LRRC4C: variants seen among roughly 807,000 people sequenced by gnomAD.
The protein encoded by LRRC4C is leucine-rich repeat-containing protein 4C.
Under a neutral mutation model 33.6 loss-of-function variants are expected in LRRC4C, and 5 were observed. The ratio of observed to expected loss-of-function variants is 0.15; its 90% confidence interval spans 0.08 to 0.31. The LOEUF is 0.31. Ranked by LOEUF, LRRC4C falls within the 10% of genes least tolerant of loss-of-function variation. The pLI is 1.00. For missense variants in LRRC4C, 560 were observed against 796.7 expected (o/e 0.70, Z 3.58); for synonymous variants, 329 against 302.0 (o/e 1.09, Z -0.93).
chr11:40,480,160 T>C (rs777361074), intron 3 of LRRC4C, among the ~76,000 whole-genome samples: 7 of 152,074 alleles, frequency 4.6e-5, no homozygotes, highest in Non-Finnish European at 1.0e-4. Context: ...AAAGTGTTCA[T>C]GTTTGAATTG....
chr11:41,192,711 C>T (rs929524240), intron 1 of LRRC4C, among the ~76,000 whole-genome samples: 4 of 151,956 alleles, frequency 2.6e-5, no homozygotes, highest in African/African-American at 9.7e-5. Flanking sequence ...CCCGTAGAGT[C>T]AGAATCGAGA....
chr11:40,255,832 A>G (rs954219966), intron 4 of LRRC4C, among the ~76,000 whole-genome samples: 1 of 152,224 alleles, frequency 6.6e-6, no homozygotes, highest in Non-Finnish European at 1.5e-5. Flanking sequence ...TTGTTTGCCA[A>G]CTTCACTTAT....
intron 3 of LRRC4C, among the ~76,000 whole-genome samples, chr11:40,517,507 C>T (rs1955611849): frequency 6.6e-6 from 1 of 152,180 alleles, no homozygotes; most frequent in Non-Finnish European, 1.5e-5. Flanking sequence ...CCAGCCTTCT[C>T]TGTAACTGGA....
chr11:41,415,670 T>G (rs1954650710), intron 1 of LRRC4C, among the ~76,000 whole-genome samples: 1 of 152,124 alleles, frequency 6.6e-6, no homozygotes, highest in South Asian at 2.1e-4. Flanking sequence ...TAATTCATTT[T>G]AGATGTTGGA....
chr11:40,466,016 C>G (rs1952634279), intron 3 of LRRC4C, among the ~76,000 whole-genome samples: 1 of 152,006 alleles, frequency 6.6e-6, no homozygotes, highest in African/African-American at 2.4e-5. Flanking sequence ...TAGAATCAAC[C>G]TAAGTGTCCA....
intron 5 of LRRC4C, among the ~76,000 whole-genome samples, chr11:40,209,662 C>A (rs1251010420): frequency 1.3e-5 from 2 of 152,134 alleles, no homozygotes; most frequent in African/African-American, 2.4e-5. Context: ...CATGCCTCAG[C>A]CTCCCAAGTA....
intron 3 of LRRC4C, among the ~76,000 whole-genome samples, chr11:40,390,782 C>T (rs1228306902): frequency 6.6e-6 from 1 of 152,144 alleles, no homozygotes; most frequent in Non-Finnish European, 1.5e-5. Context: ...TCCTGCCTGC[C>T]AAGTGTCAGG....
In LRRC4C at chr11:40,276,506, C is replaced by A. The variant is rs76067928; in HGVS notation, c.-175-34908G>T. Among the ~76,000 whole-genome samples the A allele has an allele frequency of 7.5e-3, 1,142 of 152,188 alleles. 17 individuals carry two copies. Among genetic ancestry groups the A allele is most frequent in the African/African-American group, 0.026 (1,093 of 41,510 alleles). Reference sequence around the variant, plus strand: ...GGAGCAGGCAATAATGAAAATCATTCTCAGATGTCAAACCATGCCCTGAAT... The same window carrying A: ...GGAGCAGGCAATAATGAAAATCATTATCAGATGTCAAACCATGCCCTGAAT... On this transcript the variant is annotated intron_variant, in intron 4 of 6. Transcript: ENST00000528697.
rs118098640 is a variant in LRRC4C, at chr11:40,158,643, G to T, written c.-95-17790C>A. ...GGCAAGGATGAAGAGAGGGGCTGTT[G>T]CTCTCTGGCTCTGGATTAGAACATT... On this transcript the variant is annotated intron_variant, in intron 5 of 6. Coordinates refer to ENST00000528697, the MANE Select transcript of LRRC4C (RefSeq NM_001258419.2). Among the ~76,000 whole-genome samples the T allele has an allele frequency of 8.6e-3, 1,305 of 151,436 alleles. 38 individuals carry two copies. In the South Asian group the frequency reaches 0.1, roughly 12 times the overall value.
intron 2 of LRRC4C, among the ~76,000 whole-genome samples, chr11:40,725,044 C>T (rs779548265): frequency 6.6e-6 from 1 of 152,108 alleles, no homozygotes; most frequent in African/African-American, 2.4e-5. Flanking sequence ...GAGAAAGCTA[C>T]CCTGTCCTAA....
intron 3 of LRRC4C, among the ~76,000 whole-genome samples, chr11:40,537,800 A>T (rs987635050): frequency 6.6e-6 from 1 of 152,192 alleles, no homozygotes; most frequent in Non-Finnish European, 1.5e-5. Context: ...GAAAGCTATT[A>T]TGTAAAACCC....
chr11:40,403,647 A>AT (rs1486078945), intron 3 of LRRC4C, among the ~76,000 whole-genome samples: 2 of 151,948 alleles, frequency 1.3e-5, no homozygotes, highest in Admixed American at 1.3e-4. Flanking sequence ...TGCTACTTCA[A>AT]TTTTTTTTCT....
intron 3 of LRRC4C, among the ~76,000 whole-genome samples, chr11:40,463,387 T>C (rs1490339425): frequency 6.6e-6 from 1 of 151,436 alleles, no homozygotes; most frequent in Non-Finnish European, 1.5e-5. Flanking sequence ...TGACAGCACA[T>C]GGATCTTAGG....
At chr11:40,369,206 A>G (rs1948343204) in intron 3 of LRRC4C, among the ~76,000 whole-genome samples, 1 of 152,150 alleles carries the variant, frequency 6.6e-6, no homozygotes, top group South Asian at 2.1e-4. Context: ...TGAGAATTAT[A>G]TGAGATAGGG....
At chr11:40,198,441 T>A (rs185723078) in intron 5 of LRRC4C, among the ~76,000 whole-genome samples, 1 of 152,370 alleles carries the variant, frequency 6.6e-6, no homozygotes, top group African/African-American at 2.4e-5. Flanking sequence ...GATATCCAGA[T>A]ACCTGCTACA....
At chr11:41,373,574 A>C (rs1451873333) in intron 1 of LRRC4C, among the ~76,000 whole-genome samples, 1 of 152,174 alleles carries the variant, frequency 6.6e-6, no homozygotes, top group Non-Finnish European at 1.5e-5. Flanking sequence ...CTGCATGGCT[A>C]TCTCAAAATA....
intron 2 of LRRC4C, among the ~76,000 whole-genome samples, chr11:40,884,680 A>C (rs1955352021): frequency 6.6e-6 from 1 of 152,134 alleles, no homozygotes; most frequent in Non-Finnish European, 1.5e-5. Flanking sequence ...AGGCATTTGT[A>C]ATTCTGGTTT....
At chr11:41,453,050 T>C (rs1956074773) in intron 1 of LRRC4C, among the ~76,000 whole-genome samples, 1 of 152,102 alleles carries the variant, frequency 6.6e-6, no homozygotes, top group Non-Finnish European at 1.5e-5. Context: ...GATATGGAAA[T>C]ACAGCTACAA....
intron 2 of LRRC4C, among the ~76,000 whole-genome samples, chr11:40,895,662 T>A (rs529219771): frequency 6.6e-6 from 1 of 152,346 alleles, no homozygotes; most frequent in East Asian, 1.9e-4. Flanking sequence ...TATGTTTTTA[T>A]AAATATTTTA....
Sources: gnomAD v4.1 joint callset for allele counts (sites outside exome capture counted in the v4.1 genomes callset) on GRCh38, gnomAD v4.1.1 for gene constraint, MANE v1.5 for transcripts, NCBI Gene and HGNC (gene_info 2026-07-23, HGNC 2026-07-21) for gene names.